Variants in CSMD2 observed in about 807,000 individuals in gnomAD.
CSMD2 encodes the protein CUB and sushi domain-containing protein 2.
Under a neutral mutation model 398.5 loss-of-function variants are expected in CSMD2, and 130 were observed. The ratio of observed to expected loss-of-function variants is 0.33; its 90% CI spans 0.28 to 0.38. CSMD2 has a LOEUF of 0.38. Among genes scored for constraint, CSMD2 ranks in the 10% least tolerant of loss-of-function variants. The probability of loss-of-function intolerance (pLI) is 1.00; values close to 1 mark genes in which losing one functional copy is unlikely to be tolerated. For missense variants in CSMD2, 3,829 were observed against 4,764.9 expected (o/e 0.80, Z 5.78); for synonymous variants, 1,828 against 1,908.5 (o/e 0.96, Z 1.10).
intron 55 of CSMD2, among the ~76,000 whole-genome samples, chr1:33,550,753 T>C (rs1380422037): frequency 6.6e-6 from 1 of 152,200 alleles, no homozygotes; most frequent in Non-Finnish European, 1.5e-5. Context: ...GATTCCAGAA[T>C]GAAAGCCAAT....
intron 28 of CSMD2, among the ~76,000 whole-genome samples, chr1:33,650,507 G>C (rs1325042241): frequency 6.6e-6 from 1 of 151,470 alleles, no homozygotes; most frequent in East Asian, 1.9e-4. Flanking sequence ...CCCTGAAACT[G>C]CAAGGAGTTC....
chr1:33,703,044 G>T (rs1645662220), intron 22 of CSMD2, among the ~76,000 whole-genome samples: 1 of 151,948 alleles, frequency 6.6e-6, no homozygotes, highest in South Asian at 2.1e-4. Flanking sequence ...TATTGCATTT[G>T]TCTATTTGTC....
At chr1:34,145,845 T>C (rs1039031741) in intron 1 of CSMD2, among the ~76,000 whole-genome samples, 1 of 152,000 alleles carries the variant, frequency 6.6e-6, no homozygotes, top group African/African-American at 2.4e-5. Context: ...AACTGATGAG[T>C]AGAACAAGCC....
rs372016618 is a variant in CSMD2, at chr1:33,542,863, T to C, written c.9134A>G (p.Asn3045Ser). 9 of 1,614,182 alleles carry C rather than the reference T, an allele frequency of 5.6e-6. No homozygotes were observed. The highest frequency in any genetic ancestry group is 7.6e-6 in the Non-Finnish European group (9 of 1,180,018). ...ISCGNPGTPS[N>S]ARVVFSDGLV... ...GCCATCACTGAACACAACTCGGGCA[T>C]TACTTGGAGTCCCAGGGTTCCCACA... Residue 3045 changes from asparagine to serine, a missense_variant, in exon 58 of 71, where the codon AAT (asparagine) becomes AGT (serine). Physicochemically the swap from Asn to Ser is conservative, Grantham distance 46. Coordinates refer to ENST00000373381, the MANE Select transcript of CSMD2 (RefSeq NM_001281956.2).
intron 13 of CSMD2, among the ~76,000 whole-genome samples, chr1:33,765,733 T>C (rs750591332): frequency 4.6e-5 from 7 of 151,698 alleles, no homozygotes; most frequent in Non-Finnish European, 7.4e-5. Context: ...AAATAGAAAA[T>C]AAATAGGGAA....
At chr1:33,913,458 G>A (rs887918271) in intron 5 of CSMD2, among the ~76,000 whole-genome samples, 14 of 152,178 alleles carry the variant, frequency 9.2e-5, no homozygotes, top group Non-Finnish European at 4.4e-5. Context: ...AATTGCTGGG[G>A]TTGCTCCATC....
intron 1 of CSMD2, among the ~76,000 whole-genome samples, chr1:34,134,895 G>GT (rs1295777522): frequency 6.6e-6 from 1 of 152,192 alleles, no homozygotes; most frequent in Non-Finnish European, 1.5e-5. Flanking sequence ...AGATTCGCAA[G>GT]TTTTTAAAAA....
intron 12 of CSMD2, among the ~76,000 whole-genome samples, chr1:33,788,256 C>A (rs1481003309): frequency 1.3e-5 from 2 of 152,066 alleles, no homozygotes; most frequent in Non-Finnish European, 2.9e-5. Flanking sequence ...GCCTGTAACC[C>A]CAGCACGTTG....
chr1:33,730,476 C>G (rs907979294), intron 15 of CSMD2, among the ~76,000 whole-genome samples: 2 of 151,952 alleles, frequency 1.3e-5, no homozygotes, highest in African/African-American at 4.8e-5. Flanking sequence ...TAAGCAATTT[C>G]TAGAAACTCA....
chr1:34,158,374 T>TG (rs1641000915), intron 1 of CSMD2, among the ~76,000 whole-genome samples: 1 of 152,064 alleles, frequency 6.6e-6, no homozygotes, highest in Non-Finnish European at 1.5e-5. Context: ...CTGCAGCAGA[T>TG]GGAGAGGAGG....
intron 2 of CSMD2, among the ~76,000 whole-genome samples, chr1:34,073,597 C>G (rs1008573435): frequency 2.0e-5 from 3 of 152,016 alleles, no homozygotes; most frequent in Non-Finnish European, 2.9e-5. Flanking sequence ...GCAGAAAATA[C>G]CTATTACATT....
rs533587917 is a variant in CSMD2 at position 33,632,332 on chromosome 1, TAGC to T, written c.5200+1087_5200+1089del. Among the ~76,000 whole-genome samples, 490 of 152,218 alleles carry T rather than the reference TAGC, an allele frequency of 3.2e-3. 4 individuals carry two copies. Among genetic ancestry groups the T allele is most frequent in the African/African-American group, 0.011 (470 of 41,566 alleles). On this transcript the variant is annotated intron_variant, in intron 32 of 70. Coordinates refer to ENST00000373381, the MANE Select transcript of CSMD2 (RefSeq NM_001281956.2). ...TTAAAGCACCCTGAAGAAAATTATA[TAGC>T]AAAAGACAAGCTGGAGAGGAGGGCT...
At chr1:33,646,911 A>T (rs1299510650) in intron 28 of CSMD2, 76 bp from the exon 29 acceptor site, 1 of 1,433,444 alleles carries the variant, frequency 7.0e-7, no homozygotes, top group East Asian at 2.5e-5. Flanking sequence ...AGGCTCAACC[A>T]AAGCATAGGG....
At chr1:33,804,326 A>T (rs1224744294) in intron 10 of CSMD2, among the ~76,000 whole-genome samples, 2 of 152,208 alleles carry the variant, frequency 1.3e-5, no homozygotes, top group African/African-American at 2.4e-5. Flanking sequence ...CCTTACCTGC[A>T]TCCAGGCATG....
At chr1:34,142,720 C>T (rs1639417175) in intron 1 of CSMD2, among the ~76,000 whole-genome samples, 1 of 152,206 alleles carries the variant, frequency 6.6e-6, no homozygotes, top group Non-Finnish European at 1.5e-5. Context: ...TGTGACATTA[C>T]TTAACATGAT....
intron 8 of CSMD2, 33 bp downstream of exon 8, chr1:33,820,436 C>G (rs1657980507): frequency 2.0e-6 from 3 of 1,485,576 alleles, no homozygotes; most frequent in Non-Finnish European, 2.8e-6. Flanking sequence ...CCCCACCCTT[C>G]TTGCAATCAG....
At chr1:33,767,672 G>T (rs1650686832) in intron 13 of CSMD2, among the ~76,000 whole-genome samples, 2 of 152,180 alleles carry the variant, frequency 1.3e-5, no homozygotes, top group Admixed American at 1.3e-4. Context: ...TTAGGAAGAG[G>T]TTTCAACCCC....
At chr1:34,148,595 C>T (rs1333270687) in intron 1 of CSMD2, among the ~76,000 whole-genome samples, 2 of 63,554 alleles carry the variant, frequency 3.1e-5, no homozygotes, top group Non-Finnish European at 1.0e-4. Context: ...GGGCCAAACC[C>T]CCTCCTTCAG....
chr1:34,002,313 TA>T (rs1296963172), intron 3 of CSMD2, among the ~76,000 whole-genome samples: 37 of 152,324 alleles, frequency 2.4e-4, no homozygotes, highest in East Asian at 1.9e-4. Context: ...TGGGTCATTT[TA>T]AAAAATTAAA....
Sources: allele counts gnomAD v4.1 joint callset (sites outside exome capture counted in the v4.1 genomes callset), GRCh38; gene constraint gnomAD v4.1.1; transcripts MANE v1.5; gene names NCBI Gene and HGNC (gene_info 2026-07-23, HGNC 2026-07-21).